The following NELL1 variants were observed in gnomAD, a reference collection of about 807,000 sequenced individuals.
NELL1 encodes the protein protein kinase C-binding protein NELL1.
Under a neutral mutation model 107.4 loss-of-function variants are expected in NELL1, and 76 were observed. The ratio of observed to expected loss-of-function variants is 0.71; its 90% CI spans 0.59 to 0.86. The LOEUF is 0.86. NELL1 is among the 40% of genes least tolerant of loss of function. NELL1 has a pLI of 0.00. For missense variants in NELL1, 1,024 were observed against 1,005.5 expected, an observed-to-expected ratio of 1.02 and a Z score of -0.25; for synonymous variants, 353 against 341.2, an observed-to-expected ratio of 1.03 and a Z score of -0.38.
intron 12 of NELL1, among the ~76,000 whole-genome samples, chr11:21,005,940 C>T (rs922070822): frequency 6.6e-6 from 1 of 151,990 alleles, no homozygotes; most frequent in East Asian, 1.9e-4. Context: ...TGAATCCCAC[C>T]TGTGTCAGTT....
Position 21,473,795 on chromosome 11 carries a change from G to T in NELL1, c.1646-60579G>T, listed in dbSNP as rs895218070. On this transcript the variant is annotated intron_variant, in intron 15 of 19. Coordinates refer to ENST00000357134, the MANE Select transcript of NELL1 (RefSeq NM_006157.5). ...ACACCCCGTAGTATATTGCAATATT[G>T]GAGTCACACCAGGGAATTGCATAAC... Among the ~76,000 whole-genome samples, 5 of 152,078 alleles carry T rather than the reference G, an allele frequency of 3.3e-5. No individual in the cohort carries two copies. In the South Asian group the frequency reaches 6.2e-4, roughly 19 times the overall value.
intron 13 of NELL1, among the ~76,000 whole-genome samples, chr11:21,121,212 G>A (rs1167163547): frequency 6.6e-6 from 1 of 152,160 alleles, no homozygotes; most frequent in Admixed American, 6.6e-5. Context: ...AGGGAAATGG[G>A]AAGGGATATG....
chr11:21,321,660 T>TC (rs1223173997), intron 14 of NELL1, among the ~76,000 whole-genome samples: 4 of 152,182 alleles, frequency 2.6e-5, no homozygotes, highest in African/African-American at 4.8e-5. Context: ...TTCCATTACT[T>TC]CCATTTTATA....
At chr11:20,825,563 A>G (rs111704863) in intron 3 of NELL1, among the ~76,000 whole-genome samples, 1 of 151,358 alleles carries the variant, frequency 6.6e-6, no homozygotes, top group African/African-American at 2.4e-5. Context: ...GCCTCATTGG[A>G]TTTCGAACTT....
At position 21,565,905 on chromosome 11, in the gene NELL1, T is replaced by C. The variant is rs75221663; in HGVS notation, c.1981-4859T>C. 5.8e-3 allele frequency among the ~76,000 whole-genome samples: 879 copies of C among 152,060 alleles called. 9 individuals carry two copies. The highest frequency in any genetic ancestry group is 0.02 in the African/African-American group (842 of 41,528). ...GCAAAATTAATACTTTGTAAAAAGA[T>C]TGGAAATCACAGCTCAATTTGTGTG... On this transcript the variant is annotated intron_variant, in intron 17 of 19. Transcript: ENST00000357134.
At chr11:20,855,163 A>G (rs979629943) in intron 4 of NELL1, among the ~76,000 whole-genome samples, 2 of 149,236 alleles carry the variant, frequency 1.3e-5, no homozygotes, top group Non-Finnish European at 3.0e-5. Flanking sequence ...ATTTTTAAGA[A>G]CCTTCAACTT....
chr11:21,433,729 G>A (rs1853029985), intron 15 of NELL1, among the ~76,000 whole-genome samples: 1 of 152,112 alleles, frequency 6.6e-6, no homozygotes, highest in Admixed American at 6.6e-5. Context: ...AGGCTGGAGT[G>A]CAATGGCTTG....
chr11:20,861,202 T>A (rs1214414632), intron 4 of NELL1, among the ~76,000 whole-genome samples: 1 of 152,232 alleles, frequency 6.6e-6, no homozygotes, highest in South Asian at 2.1e-4. Context: ...GTGGTCATTA[T>A]TAGCAGTTTT....
intron 12 of NELL1, among the ~76,000 whole-genome samples, chr11:20,980,818 G>T (rs1365026977): frequency 2.0e-5 from 3 of 152,128 alleles, no homozygotes; most frequent in Non-Finnish European, 4.4e-5. Flanking sequence ...AAATATTTTT[G>T]ATTCTATCCC....
chr11:21,491,081 A>T (rs1252519157), intron 15 of NELL1, among the ~76,000 whole-genome samples: 1 of 152,098 alleles, frequency 6.6e-6, no homozygotes, highest in East Asian at 1.9e-4. Context: ...TATTCAAGGA[A>T]CTCAAACAAC....
intron 15 of NELL1, among the ~76,000 whole-genome samples, chr11:21,441,330 CGTGTGTGTGTGTGTGTGT>C (rs201892977): frequency 1.2e-4 from 17 of 140,242 alleles, no homozygotes; most frequent in Non-Finnish European, 2.2e-4. Context: ...GAGGCTGTGA[CGTGTGTGTGTGTGTGTGT>C]GTGTGTGTGT....
chr11:20,900,647 A>T (rs1849852471), intron 5 of NELL1, among the ~76,000 whole-genome samples: 1 of 152,144 alleles, frequency 6.6e-6, no homozygotes, highest in Admixed American at 6.5e-5. Flanking sequence ...TGCAGAGTAG[A>T]CAAGGACCGT....
chr11:20,951,008 A>G (rs1047838815), intron 11 of NELL1, among the ~76,000 whole-genome samples: 1 of 152,180 alleles, frequency 6.6e-6, no homozygotes, highest in Non-Finnish European at 1.5e-5. Context: ...TCAGAAGTCT[A>G]AGTCAAAACC....
intron 3 of NELL1, among the ~76,000 whole-genome samples, chr11:20,828,738 T>C (rs1479987801): frequency 6.6e-6 from 1 of 152,236 alleles, no homozygotes; most frequent in East Asian, 1.9e-4. Context: ...TTTTTTCTTT[T>C]CAGTCAGTTT....
intron 14 of NELL1, among the ~76,000 whole-genome samples, chr11:21,247,632 G>A (rs1013267080): frequency 6.6e-6 from 1 of 151,984 alleles, no homozygotes; most frequent in Admixed American, 6.6e-5. Context: ...ACCTACGTGG[G>A]GTATTTTGTG....
At chr11:21,394,486 A>G (rs1851942108) in intron 15 of NELL1, among the ~76,000 whole-genome samples, 1 of 151,426 alleles carries the variant, frequency 6.6e-6, no homozygotes, top group Non-Finnish European at 1.5e-5. Context: ...TTAGAGTTCT[A>G]GGGGCTTGTC....
At chr11:21,563,858 T>C (rs539567159) in intron 17 of NELL1, among the ~76,000 whole-genome samples, 4 of 152,054 alleles carry the variant, frequency 2.6e-5, no homozygotes, top group African/African-American at 9.6e-5. Flanking sequence ...GGATGAGGAA[T>C]TTAATCAAGT....
chr11:20,745,168 G>A (rs1230561743), intron 2 of NELL1, among the ~76,000 whole-genome samples: 2 of 152,174 alleles, frequency 1.3e-5, no homozygotes, highest in Non-Finnish European at 2.9e-5. Flanking sequence ...CTTGTTCACA[G>A]AAGTGTTCCA....
chr11:21,427,696 C>T (rs1033578179), intron 15 of NELL1, among the ~76,000 whole-genome samples: 9 of 151,970 alleles, frequency 5.9e-5, no homozygotes, highest in Admixed American at 1.3e-4. Context: ...ATAGTGAGAC[C>T]CCATTCTCCA....
Sources: gnomAD v4.1 joint callset for allele counts (sites outside exome capture counted in the v4.1 genomes callset) on GRCh38, gnomAD v4.1.1 for gene constraint, MANE v1.5 for transcripts, NCBI Gene and HGNC (gene_info 2026-07-23, HGNC 2026-07-21) for gene names.